Variants in GLIS3 observed in about 807,000 individuals in gnomAD.
The protein encoded by GLIS3 is GLIS family zinc finger 3, also known as zinc finger protein GLIS3.
A neutral mutation model predicts 78.6 loss-of-function variants in GLIS3; 53 were observed. The ratio of observed to expected loss-of-function variants is 0.67; its 90% CI spans 0.54 to 0.85. The LOEUF is 0.85. Ranked by LOEUF, GLIS3 falls within the 40% of genes least tolerant of loss-of-function variation. The pLI, the probability that GLIS3 is intolerant of heterozygous loss-of-function variation, is 0.00. For synonymous variants in GLIS3, 684 were observed against 509.9 expected, an observed-to-expected ratio of 1.34 and a Z score of -4.60; for missense variants, 1,703 against 1,231.1, an observed-to-expected ratio of 1.38 and a Z score of -5.74.
At chr9:4,338,024 C>CTGTGTGTGTG (rs74777663) in intron 2 of GLIS3, among the ~76,000 whole-genome samples, 42 of 139,076 alleles carry the variant, frequency 3.0e-4, no homozygotes, top group African/African-American at 7.0e-4. Context: ...ATTGGCAAGG[C>CTGTGTGTGTG]TGTGTGTGTG....
intron 2 of GLIS3, among the ~76,000 whole-genome samples, chr9:4,162,882 T>G (rs1160726446): frequency 9.0e-6 from 1 of 110,904 alleles, no homozygotes. Flanking sequence ...AAAAAAAAAA[T>G]CAATCGCCAA....
At chr9:4,251,140 A>C (rs1824330862) in intron 2 of GLIS3, among the ~76,000 whole-genome samples, 2 of 152,208 alleles carry the variant, frequency 1.3e-5, no homozygotes, top group African/African-American at 4.8e-5. Context: ...TCCAGAGCTG[A>C]GTTCAAGTCC....
At chr9:4,287,569 A>C (rs1828110006) in intron 1 of GLIS3, among the ~76,000 whole-genome samples, 2 of 152,250 alleles carry the variant, frequency 1.3e-5, no homozygotes, top group Non-Finnish European at 2.9e-5. Context: ...CAGAGATGAC[A>C]GTCATGGAAA....
chr9:4,164,460 T>A (rs1364544675), intron 2 of GLIS3, among the ~76,000 whole-genome samples: 2 of 152,068 alleles, frequency 1.3e-5, no homozygotes, highest in African/African-American at 4.8e-5. Context: ...TTAAAGAGGG[T>A]CCATCCACCC....
intron 4 of GLIS3, among the ~76,000 whole-genome samples, chr9:4,008,224 C>T (rs1166321307): frequency 1.3e-5 from 2 of 152,076 alleles, no homozygotes; most frequent in African/African-American, 4.8e-5. Flanking sequence ...TTCCACAGTC[C>T]CAGCAATACA....
At chr9:4,457,077 T>A in the GLIS3 span, among the ~76,000 whole-genome samples, 3 of 152,200 alleles carry the variant, frequency 2.0e-5, no homozygotes, top group Non-Finnish European at 1.5e-5. Flanking sequence ...AAATGTAATA[T>A]TTGAACTGGG....
At chr9:3,925,494 C>T (rs1336361238) in intron 6 of GLIS3, among the ~76,000 whole-genome samples, 1 of 152,142 alleles carries the variant, frequency 6.6e-6, no homozygotes, top group Admixed American at 6.5e-5. Context: ...AAGTGTTCTC[C>T]CCATGTCTGT....
intron 6 of GLIS3, 174 bp from the exon 7 acceptor site, chr9:3,899,009 T>C (rs1043024204): frequency 2.6e-6 from 2 of 770,184 alleles, no homozygotes; most frequent in East Asian, 2.7e-5. Flanking sequence ...AGTTCTCCAA[T>C]CCTAATAACA....
At chr9:4,045,494 C>A (rs892618607) in intron 4 of GLIS3, among the ~76,000 whole-genome samples, 4 of 149,254 alleles carry the variant, frequency 2.7e-5, no homozygotes, top group Non-Finnish European at 4.4e-5. Context: ...CACCACCACA[C>A]CTGGCTAATT....
chr9:3,932,705 A>C (rs1825691687), intron 5 of GLIS3: 2 of 473,422 alleles, frequency 4.2e-6, no homozygotes, highest in South Asian at 3.9e-5. Flanking sequence ...GATTTCTAAG[A>C]GATTGCTTTA....
At chr9:4,160,601 A>C (rs1475526856) in intron 2 of GLIS3, among the ~76,000 whole-genome samples, 1 of 152,184 alleles carries the variant, frequency 6.6e-6, no homozygotes, top group Admixed American at 6.5e-5. Flanking sequence ...CGTTAACCCA[A>C]GCTTGTTTGA....
intron 3 of GLIS3, chr9:4,123,678 T>G (rs1056399880): frequency 7.6e-6 from 3 of 393,710 alleles, no homozygotes; most frequent in African/African-American, 6.2e-5. Context: ...AAAAACTATG[T>G]AGATTACTAG....
chr9:3,920,628 T>TA (rs1554647078), intron 6 of GLIS3, among the ~76,000 whole-genome samples: 2 of 151,032 alleles, frequency 1.3e-5, no homozygotes, highest in Admixed American at 6.6e-5. Flanking sequence ...TTTTTTTTTT[T>TA]AAAGAAGAGG....
At chr9:4,175,778 C>A (rs956760749) in intron 2 of GLIS3, among the ~76,000 whole-genome samples, 1 of 152,204 alleles carries the variant, frequency 6.6e-6, no homozygotes, top group African/African-American at 2.4e-5. Flanking sequence ...TTGAATACTC[C>A]TTTTACATCA....
intron 4 of GLIS3, among the ~76,000 whole-genome samples, chr9:3,989,867 C>T (rs555760052): frequency 2.6e-5 from 4 of 152,320 alleles, no homozygotes; most frequent in African/African-American, 9.6e-5. Flanking sequence ...AACTTACACA[C>T]ACACACACAC....
intron 2 of GLIS3, among the ~76,000 whole-genome samples, chr9:4,256,404 A>C (rs935380682): frequency 1.3e-5 from 2 of 152,192 alleles, no homozygotes; most frequent in South Asian, 2.1e-4. Flanking sequence ...AGTAACAATC[A>C]ATGAAATCCA....
At chr9:4,101,622 T>C (rs1239952403) in intron 4 of GLIS3, among the ~76,000 whole-genome samples, 1 of 152,194 alleles carries the variant, frequency 6.6e-6, no homozygotes, top group African/African-American at 2.4e-5. Context: ...CACCAATAAT[T>C]ATACCTACTA....
At chr9:4,365,527 G>T in the GLIS3 span, among the ~76,000 whole-genome samples, 1 of 151,860 alleles carries the variant, frequency 6.6e-6, no homozygotes, top group African/African-American at 2.4e-5. Flanking sequence ...CTGCACTCCA[G>T]CCTGGGTGAC....
intron 4 of GLIS3, among the ~76,000 whole-genome samples, chr9:4,031,819 C>G (rs535320394): frequency 6.6e-6 from 1 of 152,268 alleles, no homozygotes; most frequent in South Asian, 2.1e-4. Flanking sequence ...TGGTTCTAGT[C>G]CCTCTCTCTT....
Sources: allele counts gnomAD v4.1 joint callset (sites outside exome capture counted in the v4.1 genomes callset), GRCh38; gene constraint gnomAD v4.1.1; transcripts MANE v1.5; gene names NCBI Gene and HGNC (gene_info 2026-07-23, HGNC 2026-07-21).